Variants in ANO2 observed in about 807,000 individuals in gnomAD.
ANO2 encodes the protein anoctamin 2, also known as anoctamin-2.
In ANO2, 101 loss-of-function variants were observed where a neutral mutation model predicts 124.2. The ratio of observed to expected loss-of-function variants is 0.81; its 90% CI spans 0.69 to 0.96. The LOEUF is 0.96. Among genes scored for constraint, ANO2 ranks in the 40% least tolerant of loss-of-function variants. The pLI is 0.00. For missense variants in ANO2, 1,293 were observed against 1,274.5 expected (o/e 1.01, Z -0.22); for synonymous variants, 486 against 482.5 (o/e 1.01, Z -0.09).
At chr12:5,865,580 TACCATCATGCCACCAC>T (rs1179957938) in intron 3 of ANO2, among the ~76,000 whole-genome samples, 1 of 113,920 alleles carries the variant, frequency 8.8e-6, no homozygotes, top group African/African-American at 3.4e-5. Context: ...CATGCATTCA[TACCATCATGCCACCAC>T]ACCATCATGC....
intron 4 of ANO2, among the ~76,000 whole-genome samples, chr12:5,851,078 G>C (rs960538568): frequency 6.6e-6 from 1 of 152,106 alleles, no homozygotes; most frequent in South Asian, 2.1e-4. Flanking sequence ...GACTCGACTA[G>C]TGCTGTGTCT....
At chr12:5,809,876 C>T (rs1269649853) in intron 7 of ANO2, among the ~76,000 whole-genome samples, 1 of 152,208 alleles carries the variant, frequency 6.6e-6, no homozygotes, top group Non-Finnish European at 1.5e-5. Flanking sequence ...CTAACAGTCA[C>T]CGGCCCTACG....
intron 19 of ANO2, among the ~76,000 whole-genome samples, chr12:5,611,819 C>T (rs561846923): frequency 6.6e-6 from 1 of 152,268 alleles, no homozygotes; most frequent in South Asian, 2.1e-4. Context: ...CCAGAATGGT[C>T]ATCTTTAAAG....
At chr12:5,720,531 C>G (rs909560703) in intron 14 of ANO2, among the ~76,000 whole-genome samples, 8 of 152,204 alleles carry the variant, frequency 5.3e-5, no homozygotes, top group African/African-American at 1.9e-4. Flanking sequence ...AAGAAAAGTC[C>G]AAACTACAAG....
At chr12:5,801,521 A>G (rs1158372575) in intron 9 of ANO2, among the ~76,000 whole-genome samples, 1 of 152,244 alleles carries the variant, frequency 6.6e-6, no homozygotes, top group Non-Finnish European at 1.5e-5. Context: ...TCAGCCCTAC[A>G]GAGAGCCATC....
At chr12:5,781,653 G>T (rs1215116121) in intron 10 of ANO2, among the ~76,000 whole-genome samples, 2 of 152,278 alleles carry the variant, frequency 1.3e-5, no homozygotes, top group African/African-American at 2.4e-5. Context: ...GACCACTATT[G>T]TCTGTCAAAA....
At chr12:5,893,315 G>A (rs1188476985) in intron 3 of ANO2, among the ~76,000 whole-genome samples, 7 of 151,944 alleles carry the variant, frequency 4.6e-5, no homozygotes, top group Admixed American at 2.0e-4. Context: ...CATATAGAGT[G>A]GGAGAAAATA....
chr12:5,585,499 C>T (rs1943064212), intron 20 of ANO2, among the ~76,000 whole-genome samples: 1 of 152,182 alleles, frequency 6.6e-6, no homozygotes, highest in Non-Finnish European at 1.5e-5. Flanking sequence ...GAGACTCAGT[C>T]CCTGCTCTTT....
intron 1 of ANO2, among the ~76,000 whole-genome samples, chr12:5,923,596 C>T (rs1275583324): frequency 6.6e-6 from 1 of 152,196 alleles, no homozygotes; most frequent in Admixed American, 6.5e-5. Flanking sequence ...CACCTGCTGC[C>T]TCTACCCAGG....
At chr12:5,592,508 A>G (rs1032539097) in intron 20 of ANO2, among the ~76,000 whole-genome samples, 1 of 152,222 alleles carries the variant, frequency 6.6e-6, no homozygotes, top group African/African-American at 2.4e-5. Context: ...AGAAGATGCA[A>G]AACAAGAGCC....
chr12:5,945,228 C>CG lies in ANO2; in HGVS notation c.-12_-11insC, dbSNP rs1326325721. ...CCCGGGAGTCGCCATGATGTGGACG[C>CG]AGACCCCGCCGGCCCGCGGCCGCGC... On this transcript the variant is annotated 5_prime_UTR_variant, in exon 1 of 25. Transcript: ENST00000682330. The CG allele has an allele frequency of 7.8e-7, 1 of 1,287,452 alleles. No individual in the cohort carries two copies. The highest frequency in any genetic ancestry group is 2.3e-5 in the Admixed American group (1 of 43,398). 79.8% of individuals were successfully genotyped at this position (1,287,452 alleles called of 1,614,324 possible).
At chr12:5,774,239 G>C (rs984564025) in intron 10 of ANO2, among the ~76,000 whole-genome samples, 1 of 152,176 alleles carries the variant, frequency 6.6e-6, no homozygotes, top group African/African-American at 2.4e-5. Context: ...CGGATTGCTT[G>C]AGCCCAGGAG....
chr12:5,746,288 T>G (rs564438520), intron 11 of ANO2, among the ~76,000 whole-genome samples: 9 of 152,332 alleles, frequency 5.9e-5, no homozygotes, highest in East Asian at 1.9e-4. Context: ...CAGGCAACTA[T>G]CCATCATTTG....
intron 11 of ANO2, among the ~76,000 whole-genome samples, chr12:5,748,907 A>AATTG (rs1951356772): frequency 1.3e-5 from 2 of 150,722 alleles, no homozygotes; most frequent in Admixed American, 6.6e-5. Flanking sequence ...AACACTTGAC[A>AATTG]ATTGATACTA....
chr12:5,724,996 A>G (rs116516675), intron 14 of ANO2, among the ~76,000 whole-genome samples: 307 of 152,194 alleles, frequency 2.0e-3, no homozygotes, highest in African/African-American at 7.1e-3. Context: ...TGACACAAAA[A>G]TATATCTTTG....
At chr12:5,734,796 T>C (rs1034069122) in intron 13 of ANO2, among the ~76,000 whole-genome samples, 1 of 152,052 alleles carries the variant, frequency 6.6e-6, no homozygotes, top group Non-Finnish European at 1.5e-5. Flanking sequence ...TGCAGGCACA[T>C]GCCACCAGGC....
At chr12:5,893,576 G>A (rs1939559305) in intron 3 of ANO2, among the ~76,000 whole-genome samples, 1 of 151,176 alleles carries the variant, frequency 6.6e-6, no homozygotes. Context: ...AAGCCATGGT[G>A]GTTTGCTGTA....
At chr12:5,672,417 C>A (rs1214204949) in intron 14 of ANO2, among the ~76,000 whole-genome samples, 1 of 152,204 alleles carries the variant, frequency 6.6e-6, no homozygotes, top group Non-Finnish European at 1.5e-5. Context: ...TCTTCATGTT[C>A]TGCAGTCTGT....
At chr12:5,604,019 A>C (rs1944087390) in intron 19 of ANO2, among the ~76,000 whole-genome samples, 1 of 151,806 alleles carries the variant, frequency 6.6e-6, no homozygotes, top group Admixed American at 6.6e-5. Flanking sequence ...GGCATCAAAG[A>C]CCTTGTACAC....
Sources: allele counts gnomAD v4.1 joint callset (sites outside exome capture counted in the v4.1 genomes callset), GRCh38; gene constraint gnomAD v4.1.1; transcripts MANE v1.5; gene names NCBI Gene and HGNC (gene_info 2026-07-23, HGNC 2026-07-21).